Variants in WFDC9 observed in about 807,000 individuals in gnomAD.
WFDC9 encodes the protein protein WFDC9.
Under a neutral mutation model 9.5 loss-of-function variants are expected in WFDC9, and 9 were observed. The observed-to-expected ratio is 0.95, with a 90% confidence interval of 0.57 to 1.65. WFDC9 has a LOEUF of 1.65. WFDC9 is among the 40% of genes most tolerant of loss of function. The probability of loss-of-function intolerance (pLI) is 0.00; values close to 1 mark genes in which losing one functional copy is unlikely to be tolerated. For missense variants in WFDC9, 87 were observed against 106.7 expected, an observed-to-expected ratio of 0.82 and a Z score of 0.81; for synonymous variants, 33 against 32.3, an observed-to-expected ratio of 1.02 and a Z score of -0.07.
chr20:45,623,675 A>G (rs1027680556), intron 1 of WFDC9, among the ~76,000 whole-genome samples: 1 of 152,138 alleles, frequency 6.6e-6, no homozygotes, highest in East Asian at 1.9e-4. Context: ...TTACATATTT[A>G]TGTGATACAT....
intron 1 of WFDC9, among the ~76,000 whole-genome samples, chr20:45,620,111 A>G (rs984214168): frequency 3.9e-5 from 6 of 152,136 alleles, no homozygotes; most frequent in Non-Finnish European, 7.3e-5. Flanking sequence ...CAGTTTAAAT[A>G]CTTTGTAAGT....
chr20:45,612,214 A>G (rs1981874659), intron 2 of WFDC9, among the ~76,000 whole-genome samples: 1 of 151,884 alleles, frequency 6.6e-6, no homozygotes, highest in African/African-American at 2.4e-5. Context: ...TTCAATTACA[A>G]TTTTTTTCTT....
intron 1 of WFDC9, among the ~76,000 whole-genome samples, chr20:45,618,661 C>T (rs948503899): frequency 2.0e-5 from 3 of 152,116 alleles, no homozygotes; most frequent in African/African-American, 7.2e-5. Flanking sequence ...AGCACACACA[C>T]ATTTATTGTT....
chr20:45,612,255 A>G (rs1257365746), intron 2 of WFDC9, among the ~76,000 whole-genome samples: 1 of 152,010 alleles, frequency 6.6e-6, no homozygotes, highest in African/African-American at 2.4e-5. Context: ...TAGCATTTTA[A>G]TCTGTTTAGA....
chr20:45,615,854 A>G (rs1418056934), intron 1 of WFDC9, among the ~76,000 whole-genome samples: 5 of 152,244 alleles, frequency 3.3e-5, no homozygotes, highest in Non-Finnish European at 7.3e-5. Context: ...AGTGTTCAAT[A>G]GCATTATGTA....
intron 1 of WFDC9, among the ~76,000 whole-genome samples, chr20:45,620,446 G>A (rs1982071499): frequency 1.3e-5 from 2 of 152,094 alleles, no homozygotes; most frequent in Admixed American, 1.3e-4. Context: ...ACAAAAATTA[G>A]CTGGGTGCGG....
chr20:45,610,217 A>T lies in WFDC9; in HGVS notation c.-36T>A. On this transcript the variant is annotated 5_prime_UTR_variant, in exon 3 of 5. Coordinates refer to ENST00000326000, the MANE Select transcript of WFDC9 (RefSeq NM_147198.4). ...GTGTGTATTTGGGTTAAGTTCTGGC[A>T]GAAGGCAAGTCTTTTCCCAATACTG... The T allele has an allele frequency of 6.3e-7, 1 of 1,585,984 alleles. No homozygotes were observed. Among genetic ancestry groups the T allele is most frequent in the Non-Finnish European group, 8.7e-7 (1 of 1,155,954 alleles).
intron 1 of WFDC9, among the ~76,000 whole-genome samples, chr20:45,621,682 G>T (rs1474592867): frequency 6.6e-6 from 1 of 152,180 alleles, no homozygotes; most frequent in Non-Finnish European, 1.5e-5. Flanking sequence ...TGGACACTGT[G>T]TTTGTCTCTC....
At chr20:45,615,218 G>A (rs752666966) in intron 1 of WFDC9, among the ~76,000 whole-genome samples, 2 of 152,128 alleles carry the variant, frequency 1.3e-5, no homozygotes, top group Admixed American at 6.5e-5. Flanking sequence ...TGAAGGAAGC[G>A]ACGTGACCAA....
chr20:45,622,167 C>A (rs924745665), intron 1 of WFDC9, among the ~76,000 whole-genome samples: 1 of 148,670 alleles, frequency 6.7e-6, no homozygotes, highest in African/African-American at 2.4e-5. Flanking sequence ...AAGTTTTTAC[C>A]TTAAACATCT....
intron 1 of WFDC9, among the ~76,000 whole-genome samples, chr20:45,616,778 G>A (rs556558762): frequency 1.3e-5 from 2 of 152,050 alleles, no homozygotes; most frequent in African/African-American, 4.8e-5. Context: ...TTTCTGAGCC[G>A]TAGGCCTCAA....
intron 1 of WFDC9, among the ~76,000 whole-genome samples, chr20:45,619,416 T>C (rs1487326): frequency 0.45 from 67,646 of 151,956 alleles, 15,197 homozygotes; most frequent in Middle Eastern, 0.54. Flanking sequence ...ATTCTATATC[T>C]AGCAAAGCTA....
chr20:45,617,272 T>C (rs1981992296), intron 1 of WFDC9, among the ~76,000 whole-genome samples: 1 of 152,172 alleles, frequency 6.6e-6, no homozygotes, highest in African/African-American at 2.4e-5. Context: ...CTGGCCAATA[T>C]GGTGAAACCC....
intron 2 of WFDC9, among the ~76,000 whole-genome samples, chr20:45,611,119 G>C (rs570757059): frequency 1.4e-4 from 22 of 152,140 alleles, no homozygotes; most frequent in Non-Finnish European, 2.8e-4. Flanking sequence ...AATCTCCCAC[G>C]AAAGAGTCAA....
chr20:45,619,301 A>G (rs1005829866), intron 1 of WFDC9, among the ~76,000 whole-genome samples: 5 of 152,158 alleles, frequency 3.3e-5, no homozygotes, highest in Admixed American at 3.3e-4. Context: ...GACTCCTGCC[A>G]CTCATGATTC....
At chr20:45,609,652 G>A (rs1213297214) in intron 3 of WFDC9, among the ~76,000 whole-genome samples, 1 of 152,044 alleles carries the variant, frequency 6.6e-6, no homozygotes, top group African/African-American at 2.4e-5. Context: ...GACCCACTAA[G>A]GAGCCTTTAT....
intron 1 of WFDC9, among the ~76,000 whole-genome samples, chr20:45,622,279 T>C (rs1982119201): frequency 6.6e-6 from 1 of 152,182 alleles, no homozygotes; most frequent in African/African-American, 2.4e-5. Flanking sequence ...TCTTTCTCTA[T>C]AGAATATTTT....
chr20:45,618,298 C>T (rs1982016283), intron 1 of WFDC9, among the ~76,000 whole-genome samples: 1 of 152,198 alleles, frequency 6.6e-6, no homozygotes, highest in Admixed American at 6.5e-5. Context: ...CTGTCTAGAT[C>T]ACTAAAACCT....
chr20:45,608,781 A>G lies in WFDC9; in HGVS notation c.121T>C (p.Cys41Arg), dbSNP rs1300257107. ...TACTTATATGGAGGCTGTACCCAGC[A>G]CTGCTCAGTTTCTCTTATCATATCT... Reference protein sequence around the residue: ...FLDMIRETEQCWVQPPYKYCE... With the variant: ...FLDMIRETEQRWVQPPYKYCE... The change falls in exon 4 of 5, where the codon TGC (cysteine) becomes CGC (arginine). Residue 41 changes from cysteine to arginine, a missense_variant. Cys to Arg is a radical substitution (Grantham distance 180). Coordinates refer to ENST00000326000, the MANE Select transcript of WFDC9 (RefSeq NM_147198.4). The G allele has an allele frequency of 3.1e-6, 5 of 1,613,468 alleles. No homozygotes were observed. The East Asian group carries it at 1.1e-4, about 36-fold the overall frequency.
Sources: allele counts gnomAD v4.1 joint callset (sites outside exome capture counted in the v4.1 genomes callset), GRCh38; gene constraint gnomAD v4.1.1; transcripts MANE v1.5; gene names NCBI Gene and HGNC (gene_info 2026-07-23, HGNC 2026-07-21).